Variants in PARD3 observed in about 807,000 individuals in gnomAD.
PARD3 encodes partitioning defective 3 homolog.
PARD3 carries 75 observed loss-of-function variants against 155.4 expected under a neutral mutation model. That is an observed-to-expected ratio of 0.48 (90% CI 0.40 to 0.58). PARD3 has a LOEUF of 0.58. Ranked by LOEUF, PARD3 falls within the 20% of genes least tolerant of loss-of-function variation. The pLI is 0.00. For synonymous variants in PARD3, 576 were observed against 610.5 expected, an observed-to-expected ratio of 0.94 and a Z score of 0.83; for missense variants, 1,642 against 1,721.7, an observed-to-expected ratio of 0.95 and a Z score of 0.82.
intron 22 of PARD3, among the ~76,000 whole-genome samples, chr10:34,138,371 G>A (rs1261031267): frequency 6.6e-6 from 1 of 152,042 alleles, no homozygotes; most frequent in Non-Finnish European, 1.5e-5. Context: ...ACCTTTTGTC[G>A]ACCTCCCCGC....
At chr10:34,420,229 G>A (rs1846059751) in intron 5 of PARD3, among the ~76,000 whole-genome samples, 1 of 152,176 alleles carries the variant, frequency 6.6e-6, no homozygotes, top group Admixed American at 6.5e-5. Flanking sequence ...CATTGATTTA[G>A]TCACTCCTCC....
chr10:34,218,953 G>A (rs894107886), intron 22 of PARD3, among the ~76,000 whole-genome samples: 6 of 152,132 alleles, frequency 3.9e-5, no homozygotes, highest in Non-Finnish European at 7.4e-5. Context: ...AACCAAAACC[G>A]AATAAATAGT....
At position 34,443,968 on chromosome 10, in the gene PARD3, C is replaced by T. The variant is rs572726820; in HGVS notation, c.714+6349G>A. On this transcript the variant is annotated intron_variant, in intron 5 of 24. Transcript: ENST00000374788. The stretch of plus-strand genomic sequence containing the variant: ...AAAGGTATGAAAATGACGTAGACAT[C>T]GGCATTTTGTCTTCATCAACAAACA... 6.6e-4 allele frequency among the ~76,000 whole-genome samples: 101 copies of T among 152,292 alleles called. 1 individual carries two copies. The highest frequency in any genetic ancestry group is 6.6e-3 in the South Asian group (32 of 4,826).
intron 1 of PARD3, among the ~76,000 whole-genome samples, chr10:34,762,940 A>G (rs963794341): frequency 6.6e-6 from 1 of 152,234 alleles, no homozygotes; most frequent in Non-Finnish European, 1.5e-5. Flanking sequence ...CATCAACATT[A>G]TCACATGATT....
chr10:34,724,043 C>T (rs2094655116), intron 1 of PARD3, among the ~76,000 whole-genome samples: 1 of 152,202 alleles, frequency 6.6e-6, no homozygotes, highest in South Asian at 2.1e-4. Flanking sequence ...CAGAGGGAAA[C>T]AGGAGTGCAC....
chr10:34,141,995 TCA>T (rs1948212392), intron 22 of PARD3, among the ~76,000 whole-genome samples: 1 of 152,164 alleles, frequency 6.6e-6, no homozygotes, highest in South Asian at 2.1e-4. Flanking sequence ...AAACTAATTA[TCA>T]AGGTTTTGGT....
chr10:34,768,322 G>A (rs1423431911), intron 1 of PARD3, among the ~76,000 whole-genome samples: 2 of 147,824 alleles, frequency 1.4e-5, no homozygotes, highest in Non-Finnish European at 3.0e-5. Context: ...ATATATGTAA[G>A]ATGAACATTG....
chr10:34,560,790 T>C (rs1049832066), intron 2 of PARD3, among the ~76,000 whole-genome samples: 1 of 152,200 alleles, frequency 6.6e-6, no homozygotes, highest in African/African-American at 2.4e-5. Context: ...ACAATGGTGT[T>C]AAATAAATTA....
chr10:34,552,435 T>C (rs2084657530), intron 2 of PARD3, among the ~76,000 whole-genome samples: 1 of 152,044 alleles, frequency 6.6e-6, no homozygotes, highest in Non-Finnish European at 1.5e-5. Flanking sequence ...TGGCTGGGAG[T>C]AGTGGCTCAC....
chr10:34,147,669 C>T (rs1174593973), intron 22 of PARD3, among the ~76,000 whole-genome samples: 1 of 151,664 alleles, frequency 6.6e-6, no homozygotes, highest in Non-Finnish European at 1.5e-5. Context: ...GGAAAAAAAT[C>T]CCAACTTAAT....
At chr10:34,723,748 A>C (rs1388906252) in intron 1 of PARD3, among the ~76,000 whole-genome samples, 1 of 152,206 alleles carries the variant, frequency 6.6e-6, no homozygotes, top group Non-Finnish European at 1.5e-5. Flanking sequence ...CTGTGTTTTA[A>C]AATATGCTCA....
intron 2 of PARD3, among the ~76,000 whole-genome samples, chr10:34,653,241 C>T (rs1446132477): frequency 2.6e-5 from 4 of 152,040 alleles, no homozygotes; most frequent in Non-Finnish European, 5.9e-5. Flanking sequence ...GAGAGTAGAA[C>T]CCATTGAGGA....
intron 21 of PARD3, among the ~76,000 whole-genome samples, chr10:34,278,827 T>C (rs190501997): frequency 1.3e-5 from 2 of 152,316 alleles, no homozygotes; most frequent in Admixed American, 6.5e-5. Context: ...ACTTAATATA[T>C]TGTGAAACAA....
At chr10:34,813,771 C>A (rs1307915061) in intron 1 of PARD3, among the ~76,000 whole-genome samples, 2 of 152,208 alleles carry the variant, frequency 1.3e-5, no homozygotes, top group East Asian at 1.9e-4. Context: ...TCATTTGCAG[C>A]CCCCAAGCCC....
intron 3 of PARD3, among the ~76,000 whole-genome samples, chr10:34,500,447 A>C (rs2080609893): frequency 6.6e-6 from 1 of 152,220 alleles, no homozygotes; most frequent in Non-Finnish European, 1.5e-5. Context: ...AATTATTAAA[A>C]TTGTCTAAAA....
intron 2 of PARD3, among the ~76,000 whole-genome samples, chr10:34,547,637 G>A (rs2084198129): frequency 6.6e-6 from 1 of 152,184 alleles, no homozygotes; most frequent in South Asian, 2.1e-4. Context: ...GTTCCCGATA[G>A]GACAGGTTAT....
At chr10:34,456,319 G>A (rs1399456988) in intron 4 of PARD3, among the ~76,000 whole-genome samples, 1 of 151,832 alleles carries the variant, frequency 6.6e-6, no homozygotes, top group African/African-American at 2.4e-5. Flanking sequence ...TTTCTGAGAC[G>A]AAGTTTTGCT....
At chr10:34,251,190 T>A (rs1400227908) in intron 22 of PARD3, among the ~76,000 whole-genome samples, 1 of 152,172 alleles carries the variant, frequency 6.6e-6, no homozygotes, top group African/African-American at 2.4e-5. Flanking sequence ...TATCATGAAA[T>A]ACAAAGGTGA....
rs767949642 is a variant in PARD3, at chr10:34,337,371, G to A, written c.2464C>T (p.Arg822Cys). 16 of 1,599,788 alleles carry A rather than the reference G, an allele frequency of 1.0e-5. No individual in the cohort carries two copies. Among genetic ancestry groups the A allele is most frequent in the South Asian group, 3.4e-5 (3 of 89,112 alleles). ...VLAFQREGFG[R>C]QSMSEKRTKQ... ...GTGCGTTTTTCTGACATACTCTGAC[G>A]TCCAAATCCTTCTCGTTGAAAAGCA... Residue 822 changes from arginine to cysteine, a missense_variant, in exon 17 of 25, where the codon CGT becomes TGT. Transcript: ENST00000374788.
Sources: gnomAD v4.1 joint callset for allele counts (sites outside exome capture counted in the v4.1 genomes callset) on GRCh38, gnomAD v4.1.1 for gene constraint, MANE v1.5 for transcripts, NCBI Gene and HGNC (gene_info 2026-07-23, HGNC 2026-07-21) for gene names.